SCN11A: variants seen among roughly 807,000 people sequenced by gnomAD.
The protein encoded by SCN11A is sodium channel protein type 11 subunit alpha.
A neutral mutation model predicts 162.2 loss-of-function variants in SCN11A; 122 were observed. That is an observed-to-expected ratio of 0.75 (90% confidence interval 0.65 to 0.87). The LOEUF is 0.87. Among genes scored for constraint, SCN11A ranks in the 40% least tolerant of loss-of-function variants. The pLI, the probability that SCN11A is intolerant of heterozygous loss-of-function variation, is 0.00. For synonymous variants in SCN11A, 758 were observed against 751.5 expected (o/e 1.01, Z -0.14); for missense variants, 2,015 against 2,181.6 (o/e 0.92, Z 1.52).
chr3:38,860,585 C>T (rs1028436761), intron 28 of SCN11A, among the ~76,000 whole-genome samples: 1 of 152,138 alleles, frequency 6.6e-6, no homozygotes, highest in Non-Finnish European at 1.5e-5. Context: ...GATGGTTTAA[C>T]ATACGCAAGT....
chr3:38,887,198 C>T (rs982935975), intron 19 of SCN11A, among the ~76,000 whole-genome samples: 3 of 152,050 alleles, frequency 2.0e-5, no homozygotes, highest in Admixed American at 1.3e-4. Context: ...AATTCTCTCC[C>T]CAACAAGATT....
chr3:38,882,439 C>T (rs761408190), intron 22 of SCN11A, among the ~76,000 whole-genome samples: 40 of 152,112 alleles, frequency 2.6e-4, no homozygotes, highest in Admixed American at 2.3e-3. Flanking sequence ...TTATGTCAAA[C>T]AGTAAGAGAA....
chr3:38,931,938 G>A (rs532781243), intron 7 of SCN11A, among the ~76,000 whole-genome samples: 4 of 152,308 alleles, frequency 2.6e-5, no homozygotes, highest in Admixed American at 2.6e-4. Context: ...TGAATTACTA[G>A]AGGATCTGAA....
chr3:38,900,357 A>G (rs982709184), intron 16 of SCN11A, among the ~76,000 whole-genome samples: 1 of 152,188 alleles, frequency 6.6e-6, no homozygotes. Flanking sequence ...TTGAAGATAA[A>G]GCAAAATGGT....
intron 28 of SCN11A, among the ~76,000 whole-genome samples, chr3:38,862,136 AT>A (rs1177351517): frequency 5.9e-5 from 9 of 152,280 alleles, no homozygotes; most frequent in African/African-American, 1.9e-4. Context: ...TAGAAAAAAA[AT>A]GCTCAACATC....
chr3:39,047,227 G>A (rs2032207827), intron 1 of SCN11A, among the ~76,000 whole-genome samples: 1 of 151,636 alleles, frequency 6.6e-6, no homozygotes, highest in African/African-American at 2.4e-5. Flanking sequence ...GTACCACCAT[G>A]CCTGGCAATT....
chr3:38,939,332 A>T (rs1402580990), intron 7 of SCN11A, among the ~76,000 whole-genome samples: 1 of 152,148 alleles, frequency 6.6e-6, no homozygotes, highest in Non-Finnish European at 1.5e-5. Flanking sequence ...TAGTTTAAAA[A>T]AACATAAAAA....
intron 2 of SCN11A, among the ~76,000 whole-genome samples, chr3:38,970,969 G>A (rs2066812833): frequency 6.6e-6 from 1 of 152,088 alleles, no homozygotes; most frequent in Non-Finnish European, 1.5e-5. Flanking sequence ...TGAAGTAGAG[G>A]CAGAGCTGCT....
chr3:38,930,944 T>C (rs367681833), intron 7 of SCN11A, among the ~76,000 whole-genome samples: 1 of 152,084 alleles, frequency 6.6e-6, no homozygotes, highest in Admixed American at 6.5e-5. Context: ...CAGAGCAAAT[T>C]ACCTTCCCAT....
chr3:38,884,854 C>A (rs776690490), intron 21 of SCN11A, among the ~76,000 whole-genome samples: 2 of 152,232 alleles, frequency 1.3e-5, no homozygotes, highest in Non-Finnish European at 2.9e-5. Flanking sequence ...CTAAATTGAA[C>A]AAGTCACACA....
intron 22 of SCN11A, 79 bp downstream of exon 22, chr3:38,883,154 C>T: frequency 7.7e-7 from 1 of 1,304,592 alleles, no homozygotes; most frequent in Non-Finnish European, 1.1e-6. Flanking sequence ...TATTCACAGT[C>T]CCACGAGAAG....
intron 1 of SCN11A, among the ~76,000 whole-genome samples, chr3:39,036,147 TTTTA>T (rs1477754270): frequency 6.6e-6 from 1 of 151,862 alleles, no homozygotes; most frequent in African/African-American, 2.4e-5. Flanking sequence ...GCAGATTTCT[TTTTA>T]TTTTTTTTTA....
At position 38,965,409 on chromosome 3, in the gene SCN11A, C is replaced by T. The variant is rs1416754935; in HGVS notation, c.-279-4986G>A. ...GTTTGTAAGGTCTGGTTTCTTCATT[C>T]CCATCTTTTGTTTCCAGCCAGCTTC... On this transcript the variant is annotated intron_variant, in intron 2 of 29. Transcript: ENST00000302328. Among the ~76,000 whole-genome samples the T allele has an allele frequency of 2.0e-5, 3 of 152,266 alleles. No homozygotes were observed. The East Asian group carries it at 5.8e-4, about 29-fold the overall frequency.
chr3:38,851,297 T>G (rs751832316), intron 28 of SCN11A, among the ~76,000 whole-genome samples: 25 of 152,176 alleles, frequency 1.6e-4, no homozygotes, highest in Non-Finnish European at 3.1e-4. Flanking sequence ...ATTTTAAAAT[T>G]CTTGTTCACT....
At chr3:39,036,389 C>A (rs1474835293) in intron 1 of SCN11A, among the ~76,000 whole-genome samples, 1 of 152,144 alleles carries the variant, frequency 6.6e-6, no homozygotes, top group Non-Finnish European at 1.5e-5. Flanking sequence ...AAGTGATCTA[C>A]CCGCCTCGGC....
At chr3:38,890,265 T>A (rs1364826931) in intron 19 of SCN11A, among the ~76,000 whole-genome samples, 1 of 152,192 alleles carries the variant, frequency 6.6e-6, no homozygotes, top group Admixed American at 6.5e-5. Flanking sequence ...GTGCCTGGAA[T>A]TGTGCTTAAA....
Position 38,987,997 on chromosome 3 carries a change from C to T in SCN11A, c.-279-27574G>A, listed in dbSNP as rs181654638. Among the ~76,000 whole-genome samples, 22 of 152,286 alleles carry T rather than the reference C, an allele frequency of 1.4e-4. No individual in the cohort carries two copies. In the East Asian group the frequency reaches 1.9e-3, roughly 13 times the overall value. On this transcript the variant is annotated intron_variant, in intron 2 of 29. Transcript: ENST00000302328. ...TCAAGCGTGAGGGAAACAGTCATAC[C>T]GTCCTGCCTCCAGGACTAGCTACAT...
intron 1 of SCN11A, among the ~76,000 whole-genome samples, chr3:39,043,752 G>C (rs748336700): frequency 6.6e-6 from 1 of 152,028 alleles, no homozygotes; most frequent in African/African-American, 2.4e-5. Context: ...GAATAAATAA[G>C]ACAGTATTTC....
chr3:38,948,673 G>T (rs1188305046), intron 5 of SCN11A, among the ~76,000 whole-genome samples: 3 of 152,206 alleles, frequency 2.0e-5, no homozygotes, highest in African/African-American at 4.8e-5. Flanking sequence ...GATCATGGGT[G>T]TGCAGAGCTC....
Sources: gnomAD v4.1 joint callset for allele counts (sites outside exome capture counted in the v4.1 genomes callset) on GRCh38, gnomAD v4.1.1 for gene constraint, MANE v1.5 for transcripts, NCBI Gene and HGNC (gene_info 2026-07-23, HGNC 2026-07-21) for gene names.